The following PDE4B variants were observed in gnomAD, a reference collection of about 807,000 sequenced individuals.
PDE4B encodes the protein 3',5'-cyclic-AMP phosphodiesterase 4B.
A neutral mutation model predicts 82.2 loss-of-function variants in PDE4B; 20 were observed. The observed-to-expected ratio is 0.24, with a 90% CI of 0.17 to 0.35. The LOEUF is 0.35. PDE4B is among the 10% of genes least tolerant of loss of function. The probability of loss-of-function intolerance (pLI) is 1.00; values close to 1 mark genes in which losing one functional copy is unlikely to be tolerated. For missense variants in PDE4B, 655 were observed against 907.2 expected (o/e 0.72, Z 3.57); for synonymous variants, 320 against 318.9 (o/e 1.00, Z -0.04).
intron 1 of PDE4B, among the ~76,000 whole-genome samples, chr1:65,888,102 A>T (rs1404918428): frequency 6.6e-6 from 1 of 152,082 alleles, no homozygotes; most frequent in Non-Finnish European, 1.5e-5. Context: ...TAAGTCTTTA[A>T]TCTACCCTGA....
At chr1:65,895,377 C>A (rs1284773364) in intron 1 of PDE4B, among the ~76,000 whole-genome samples, 1 of 151,804 alleles carries the variant, frequency 6.6e-6, no homozygotes, top group East Asian at 1.9e-4. Flanking sequence ...TGGTGAAACC[C>A]CATCTCTACT....
At chr1:66,090,131 C>A (rs1644982547) in intron 3 of PDE4B, among the ~76,000 whole-genome samples, 1 of 151,794 alleles carries the variant, frequency 6.6e-6, no homozygotes, top group Admixed American at 6.6e-5. Context: ...GAGAGAGTGA[C>A]CTTAGCTAAT....
chr1:66,296,607 G>C (rs1657531306), intron 7 of PDE4B, among the ~76,000 whole-genome samples: 1 of 152,100 alleles, frequency 6.6e-6, no homozygotes, highest in South Asian at 2.1e-4. Context: ...ATAACCTTCT[G>C]TGGCTGTGGT....
intron 3 of PDE4B, among the ~76,000 whole-genome samples, chr1:66,051,293 AAT>A (rs1184604926): frequency 6.6e-6 from 1 of 152,146 alleles, no homozygotes. Context: ...GTGTTTGAAT[AAT>A]GAGTATTAGA....
intron 1 of PDE4B, among the ~76,000 whole-genome samples, chr1:65,861,007 G>C (rs1043100741): frequency 1.3e-5 from 2 of 152,046 alleles, no homozygotes; most frequent in African/African-American, 4.8e-5. Flanking sequence ...TGCCTGTTCA[G>C]TCTGATGATA....
chr1:65,892,755 C>T (rs1408588315), intron 1 of PDE4B, among the ~76,000 whole-genome samples: 1 of 152,012 alleles, frequency 6.6e-6, no homozygotes, highest in Non-Finnish European at 1.5e-5. Flanking sequence ...TACCCACCCG[C>T]CCCCAATAAA....
At chr1:65,870,235 G>T (rs1646557897) in intron 1 of PDE4B, among the ~76,000 whole-genome samples, 1 of 152,108 alleles carries the variant, frequency 6.6e-6, no homozygotes, top group Non-Finnish European at 1.5e-5. Flanking sequence ...TAAAAGGTTT[G>T]CATAACCTAA....
intron 1 of PDE4B, among the ~76,000 whole-genome samples, chr1:65,830,081 G>A (rs1180994042): frequency 6.6e-6 from 1 of 152,028 alleles, no homozygotes; most frequent in African/African-American, 2.4e-5. Context: ...AGTAGTGTCA[G>A]AAAATAAATA....
At chr1:65,954,043 C>T (rs951406607) in intron 3 of PDE4B, among the ~76,000 whole-genome samples, 4 of 152,024 alleles carry the variant, frequency 2.6e-5, no homozygotes, top group Non-Finnish European at 4.4e-5. Context: ...GGATTACAGA[C>T]ATGCCACCAC....
intron 3 of PDE4B, among the ~76,000 whole-genome samples, chr1:65,959,276 C>A (rs993873128): frequency 3.9e-5 from 6 of 152,184 alleles, no homozygotes; most frequent in African/African-American, 1.4e-4. Flanking sequence ...GTAACAATCA[C>A]CTCATTCTGA....
intron 1 of PDE4B, among the ~76,000 whole-genome samples, chr1:65,891,498 TA>T (rs748657226): frequency 2.1e-4 from 32 of 152,068 alleles, no homozygotes; most frequent in Non-Finnish European, 4.4e-4. Flanking sequence ...CTCATTGGTG[TA>T]TCATCTTGTG....
intron 3 of PDE4B, among the ~76,000 whole-genome samples, chr1:65,935,343 A>G (rs1198754973): frequency 6.6e-6 from 1 of 151,638 alleles, no homozygotes; most frequent in East Asian, 1.9e-4. Flanking sequence ...AATACAACAT[A>G]CCAAAACTTA....
At chr1:66,323,990 C>T (rs1659584026) in intron 7 of PDE4B, among the ~76,000 whole-genome samples, 1 of 152,160 alleles carries the variant, frequency 6.6e-6, no homozygotes, top group South Asian at 2.1e-4. Flanking sequence ...TTGAACATCC[C>T]TTCACATTGG....
intron 3 of PDE4B, among the ~76,000 whole-genome samples, chr1:66,153,304 C>A (rs1646439371): frequency 6.6e-6 from 1 of 152,188 alleles, no homozygotes; most frequent in South Asian, 2.1e-4. Flanking sequence ...GTGCAAATGT[C>A]ATTTTCCTTC....
At chr1:65,862,647 T>C (rs1294834228) in intron 1 of PDE4B, among the ~76,000 whole-genome samples, 1 of 152,218 alleles carries the variant, frequency 6.6e-6, no homozygotes, top group African/African-American at 2.4e-5. Context: ...TTTGTACCTC[T>C]GGTAGCATTT....
intron 3 of PDE4B, among the ~76,000 whole-genome samples, chr1:66,021,936 A>G (rs1557503994): frequency 1.3e-5 from 2 of 152,158 alleles, no homozygotes; most frequent in African/African-American, 4.8e-5. Flanking sequence ...GATACTTCCT[A>G]TCCATGAGCA....
chr1:66,093,512 T>C (rs992211892), intron 3 of PDE4B, among the ~76,000 whole-genome samples: 23 of 152,026 alleles, frequency 1.5e-4, no homozygotes, highest in African/African-American at 5.6e-4. Context: ...TCCACTCTTC[T>C]GTGCAGTAAC....
chr1:65,977,367 C>G (rs1650461950), intron 3 of PDE4B, among the ~76,000 whole-genome samples: 1 of 152,070 alleles, frequency 6.6e-6, no homozygotes. Flanking sequence ...GAACTACTGA[C>G]ATAATGAAAA....
intron 3 of PDE4B, among the ~76,000 whole-genome samples, chr1:66,133,466 C>T (rs1645993889): frequency 6.6e-6 from 1 of 152,102 alleles, no homozygotes; most frequent in African/African-American, 2.4e-5. Flanking sequence ...TTTTGCTTAC[C>T]TAGTAGAAAA....
Sources: allele counts gnomAD v4.1 joint callset (sites outside exome capture counted in the v4.1 genomes callset), GRCh38; gene constraint gnomAD v4.1.1; transcripts MANE v1.5; gene names NCBI Gene and HGNC (gene_info 2026-07-23, HGNC 2026-07-21).